KIRREL1: variants seen among roughly 807,000 people sequenced by gnomAD.
KIRREL1 encodes kin of IRRE-like protein 1.
A neutral mutation model predicts 83.3 loss-of-function variants in KIRREL1; 25 were observed. The ratio of observed to expected loss-of-function variants is 0.30; its 90% CI spans 0.22 to 0.42. The LOEUF (loss-of-function observed/expected upper bound fraction) is 0.42, where lower values mean the gene tolerates loss of function less well. KIRREL1 is among the 10% of genes least tolerant of loss of function. KIRREL1 has a pLI of 1.00. For synonymous variants in KIRREL1, 388 were observed against 410.4 expected (o/e 0.95, Z 0.66); for missense variants, 812 against 1,032.3 (o/e 0.79, Z 2.92).
rs560221597 is a variant in KIRREL1, at chr1:158,046,380, G to A, written c.53-29733G>A. On this transcript the variant is annotated intron_variant, in intron 1 of 14. Coordinates refer to ENST00000359209, the MANE Select transcript of KIRREL1 (RefSeq NM_018240.7). Reference sequence around the variant, plus strand: ...AGACCAAGTTTGGGGGTGGAAGATCGGGAGCTCAGTTTTGGACACATTAAG... The same window carrying A: ...AGACCAAGTTTGGGGGTGGAAGATCAGGAGCTCAGTTTTGGACACATTAAG... Among the ~76,000 whole-genome samples the A allele has an allele frequency of 5.9e-5, 9 of 152,286 alleles. No homozygotes were observed. In the South Asian group the frequency reaches 1.5e-3, roughly 25 times the overall value.
At position 158,087,735 on chromosome 1, in the gene KIRREL1, C is replaced by T. The variant is rs1444681859; in HGVS notation, c.662-20C>T. On this transcript the variant is annotated intron_variant, in intron 5 of 14. Transcript: ENST00000359209. ...TCAAGGGACAGAAAAGACCCTGACTCCCTGTGCTCTACTTTGCAGACCCTC... is the reference window on the plus strand; with the variant it reads ...TCAAGGGACAGAAAAGACCCTGACTTCCTGTGCTCTACTTTGCAGACCCTC... The T allele has an allele frequency of 1.3e-6, 2 of 1,582,184 alleles. No individual in the cohort carries two copies. The highest frequency in any genetic ancestry group is 1.7e-6 in the Non-Finnish European group (2 of 1,152,890).
chr1:158,005,980 T>A (rs6690722), intron 1 of KIRREL1, among the ~76,000 whole-genome samples: 79,734 of 151,916 alleles, frequency 0.52, 21,264 homozygotes, highest in East Asian at 0.71. Context: ...GGAAACAGGA[T>A]CTCCCATTAA....
chr1:158,015,655 C>T (rs1659806911), intron 1 of KIRREL1, among the ~76,000 whole-genome samples: 1 of 152,286 alleles, frequency 6.6e-6, no homozygotes, highest in East Asian at 1.9e-4. Context: ...ACCTAAGCTT[C>T]TGGTTCATTT....
At chr1:158,083,572 G>A (rs773946739) in intron 3 of KIRREL1, among the ~76,000 whole-genome samples, 4 of 152,216 alleles carry the variant, frequency 2.6e-5, no homozygotes, top group Non-Finnish European at 5.9e-5. Context: ...GCTTGAGCAG[G>A]GGAGTGGCAC....
chr1:158,027,286 G>C (rs1050033020), intron 1 of KIRREL1, among the ~76,000 whole-genome samples: 10 of 152,196 alleles, frequency 6.6e-5, no homozygotes, highest in African/African-American at 2.4e-4. Flanking sequence ...AAGGCACGTG[G>C]GAAGGAATGT....
At chr1:158,068,911 C>G (rs187639586) in intron 1 of KIRREL1, among the ~76,000 whole-genome samples, 2 of 142,778 alleles carry the variant, frequency 1.4e-5, no homozygotes, top group Admixed American at 1.4e-4. Flanking sequence ...GCTGTCGGTG[C>G]GAATCAGAGG....
At chr1:158,064,932 TC>T (rs1458853101) in intron 1 of KIRREL1, among the ~76,000 whole-genome samples, 5 of 127,812 alleles carry the variant, frequency 3.9e-5, no homozygotes, top group Admixed American at 7.9e-5. Flanking sequence ...AACCTGCTGG[TC>T]TTTTTTTTTT....
chr1:158,090,687 T>C (rs1382396981), intron 10 of KIRREL1, among the ~76,000 whole-genome samples: 1 of 152,140 alleles, frequency 6.6e-6, no homozygotes, highest in African/African-American at 2.4e-5. Flanking sequence ...GAATACCCCG[T>C]TGTGGGTTCT....
chr1:158,026,530 T>C (rs1301661012), intron 1 of KIRREL1, among the ~76,000 whole-genome samples: 1 of 152,164 alleles, frequency 6.6e-6, no homozygotes. Flanking sequence ...AAGGGAGACA[T>C]ACTTGGTTAT....
chr1:158,058,903 C>T (rs1235942496), intron 1 of KIRREL1, among the ~76,000 whole-genome samples: 1 of 152,142 alleles, frequency 6.6e-6, no homozygotes, highest in Admixed American at 6.5e-5. Context: ...TACTGAGCTC[C>T]TCTCCCAGAC....
intron 1 of KIRREL1, among the ~76,000 whole-genome samples, chr1:158,032,709 T>TGTCCCCAGCCTCCTTATAAATC (rs1205187009): frequency 6.6e-6 from 1 of 152,136 alleles, no homozygotes; most frequent in Non-Finnish European, 1.5e-5. Flanking sequence ...TTTCACTGCT[T>TGTCCCCAGCCTCCTTATAAATC]GTCCCCAGCC....
At chr1:158,024,799 A>G (rs1055071668) in intron 1 of KIRREL1, among the ~76,000 whole-genome samples, 1 of 152,198 alleles carries the variant, frequency 6.6e-6, no homozygotes, top group Non-Finnish European at 1.5e-5. Flanking sequence ...CCCTGACCTC[A>G]GAATTGAAGC....
intron 1 of KIRREL1, among the ~76,000 whole-genome samples, chr1:158,035,881 A>G (rs1304642900): frequency 6.6e-6 from 1 of 152,170 alleles, no homozygotes; most frequent in Non-Finnish European, 1.5e-5. Flanking sequence ...TTTGCCCCTT[A>G]GAAAGGCATT....
At chr1:158,061,621 G>A (rs1196056935) in intron 1 of KIRREL1, among the ~76,000 whole-genome samples, 1 of 152,162 alleles carries the variant, frequency 6.6e-6, no homozygotes, top group African/African-American at 2.4e-5. Context: ...CTCTCCTCTG[G>A]CTGGCATCTA....
At chr1:158,018,162 T>TG (rs1280492684) in intron 1 of KIRREL1, among the ~76,000 whole-genome samples, 13 of 151,810 alleles carry the variant, frequency 8.6e-5, no homozygotes, top group Admixed American at 3.9e-4. Flanking sequence ...GAGGAAGAAT[T>TG]GGGGGGGTGG....
At position 157,993,745 on chromosome 1, in the gene KIRREL1, C is replaced by A. The variant is rs901949651; in HGVS notation, c.52+17C>A. On this transcript the variant is annotated intron_variant, in intron 1 of 14. Coordinates refer to ENST00000359209, the MANE Select transcript of KIRREL1 (RefSeq NM_018240.7). ...TCTCCCAAGGTAAGGGCCCCCAGCC[C>A]ACCCCCGGACGCTCGGCTTCCCCCC... 13 of 1,469,576 alleles carry A rather than the reference C, an allele frequency of 8.8e-6. No homozygotes were observed. Among genetic ancestry groups the A allele is most frequent in the Admixed American group, 4.9e-5 (2 of 41,104 alleles). 91.0% of individuals were successfully genotyped at this position (1,469,576 alleles called of 1,614,324 possible).
At chr1:158,089,666 G>A (rs1340679199) in intron 9 of KIRREL1, 38 bp downstream of exon 9, 1 of 1,613,774 alleles carries the variant, frequency 6.2e-7, no homozygotes, top group Non-Finnish European at 8.5e-7. Context: ...GGCCTGGGCG[G>A]GCTGGTACTG....
At chr1:158,078,723 GA>G (rs753306266) in intron 3 of KIRREL1, among the ~76,000 whole-genome samples, 3 of 142,366 alleles carry the variant, frequency 2.1e-5, no homozygotes, top group Middle Eastern at 3.4e-3. Context: ...CCTTGAGGCT[GA>G]AAACTGGGGT....
In KIRREL1 at chr1:157,994,447, T is replaced by C. The variant is rs79828560; in HGVS notation, c.52+719T>C. On this transcript the variant is annotated intron_variant, in intron 1 of 14. Coordinates refer to ENST00000359209, the MANE Select transcript of KIRREL1 (RefSeq NM_018240.7). ...TGGGGGGAGGGGGCTGACACTCTAC[T>C]TGGGCTCAGGAAAGTGTTGCTGTCT... Among the ~76,000 whole-genome samples the C allele has an allele frequency of 2.7e-3, 409 of 151,924 alleles. 18 individuals are homozygous for C. The East Asian group carries it at 0.076, about 28-fold the overall frequency.
Sources: gnomAD v4.1 joint callset for allele counts (sites outside exome capture counted in the v4.1 genomes callset) on GRCh38, gnomAD v4.1.1 for gene constraint, MANE v1.5 for transcripts, NCBI Gene and HGNC (gene_info 2026-07-23, HGNC 2026-07-21) for gene names.